LRRC28: variants seen among roughly 807,000 people sequenced by gnomAD.
LRRC28 encodes leucine-rich repeat-containing protein 28.
In LRRC28, 39 loss-of-function variants were observed where a neutral mutation model predicts 45.7. The ratio of observed to expected loss-of-function variants is 0.85; its 90% CI spans 0.66 to 1.12. LRRC28 has a LOEUF of 1.12. LRRC28 is among the 50% of genes most tolerant of loss of function. The pLI is 0.00. For missense variants in LRRC28, 435 were observed against 438.5 expected (o/e 0.99, Z 0.07); for synonymous variants, 206 against 178.8 (o/e 1.15, Z -1.22).
intron 5 of LRRC28, among the ~76,000 whole-genome samples, chr15:99,297,667 C>T (rs1171632076): frequency 4.0e-5 from 6 of 150,854 alleles, no homozygotes; most frequent in African/African-American, 1.2e-4. Context: ...ATTAAATATA[C>T]ATATATTAAT....
intron 6 of LRRC28, among the ~76,000 whole-genome samples, chr15:99,350,432 C>T (rs1240268453): frequency 6.6e-6 from 1 of 152,204 alleles, no homozygotes; most frequent in Non-Finnish European, 1.5e-5. Flanking sequence ...ATATTACGCT[C>T]CTCCTGCTTT....
intron 9 of LRRC28, among the ~76,000 whole-genome samples, chr15:99,379,519 G>GT (rs1262267103): frequency 7.9e-5 from 12 of 152,074 alleles, no homozygotes; most frequent in Admixed American, 6.5e-4. Flanking sequence ...TTTTTGAAGG[G>GT]TTTTTTCTGT....
At chr15:99,270,891 G>T (rs2081460180) in intron 2 of LRRC28, among the ~76,000 whole-genome samples, 1 of 152,186 alleles carries the variant, frequency 6.6e-6, no homozygotes, top group Non-Finnish European at 1.5e-5. Flanking sequence ...AGTGCACAAT[G>T]GTTCCAGTTT....
At chr15:99,335,867 A>G (rs1156460041) in intron 6 of LRRC28, among the ~76,000 whole-genome samples, 1 of 152,088 alleles carries the variant, frequency 6.6e-6, no homozygotes, top group African/African-American at 2.4e-5. Context: ...AGGGAGATAA[A>G]GGATGTGATG....
chr15:99,380,586 C>T (rs930318344), intron 9 of LRRC28, among the ~76,000 whole-genome samples: 2 of 152,296 alleles, frequency 1.3e-5, no homozygotes, highest in Admixed American at 1.3e-4. Flanking sequence ...ATGATGTTAA[C>T]TGGTTATTTT....
At chr15:99,277,630 C>T (rs990781013) in intron 3 of LRRC28, among the ~76,000 whole-genome samples, 3 of 152,054 alleles carry the variant, frequency 2.0e-5, no homozygotes, top group African/African-American at 7.2e-5. Flanking sequence ...GTATTATTTG[C>T]TCTTGATTAG....
chr15:99,255,836 G>C (rs576034502), intron 1 of LRRC28, 62 bp from the exon 2 acceptor site: 1 of 1,064,428 alleles, frequency 9.4e-7, no homozygotes, highest in African/African-American at 1.6e-5. Flanking sequence ...GTGCTAACTG[G>C]TTTATATGGC....
intron 5 of LRRC28, 115 bp from the exon 6 acceptor site, chr15:99,333,808 A>G: frequency 9.4e-7 from 1 of 1,061,756 alleles, no homozygotes; most frequent in Non-Finnish European, 1.4e-6. Context: ...ATTCATGTTT[A>G]TGGGAATAGT....
intron 9 of LRRC28, among the ~76,000 whole-genome samples, chr15:99,373,102 T>C (rs1022114524): frequency 3.3e-5 from 5 of 152,170 alleles, no homozygotes; most frequent in Admixed American, 3.3e-4. Flanking sequence ...CAAGATGATA[T>C]TTGGGTGGGG....
chr15:99,285,252 C>G, intron 3 of LRRC28: 1 of 733,506 alleles, frequency 1.4e-6, no homozygotes, highest in Non-Finnish European at 2.5e-6. Context: ...TTAATGTCAT[C>G]AACAAATATC....
chr15:99,279,703 C>T (rs189594607), intron 3 of LRRC28, among the ~76,000 whole-genome samples: 10 of 152,266 alleles, frequency 6.6e-5, no homozygotes, highest in African/African-American at 1.7e-4. Context: ...TTCTTACTGA[C>T]GCTCAGTCAT....
intron 5 of LRRC28, among the ~76,000 whole-genome samples, chr15:99,320,047 T>G (rs1345382819): frequency 6.6e-6 from 1 of 152,158 alleles, no homozygotes; most frequent in East Asian, 1.9e-4. Context: ...CCTCAGGTGA[T>G]CCGCCCTTCT....
At chr15:99,253,693 G>A (rs979290457) in intron 1 of LRRC28, among the ~76,000 whole-genome samples, 7 of 152,210 alleles carry the variant, frequency 4.6e-5, no homozygotes, top group African/African-American at 1.7e-4. Context: ...AGATGTAATT[G>A]GATGTACATT....
chr15:99,274,601 T>G (rs79015792), intron 2 of LRRC28, among the ~76,000 whole-genome samples: 14,313 of 152,264 alleles, frequency 0.094, 741 homozygotes, highest in African/African-American at 0.14. Context: ...TTTTCAATTA[T>G]AAAAGACACA....
At chr15:99,285,194 T>C (rs2081925347) in intron 3 of LRRC28, 2 of 728,988 alleles carry the variant, frequency 2.7e-6, no homozygotes, top group Non-Finnish European at 2.5e-6. Flanking sequence ...ACTTCAATTT[T>C]TCCATACTGT....
At chr15:99,292,637 T>G (rs2082154565) in intron 5 of LRRC28, among the ~76,000 whole-genome samples, 1 of 152,196 alleles carries the variant, frequency 6.6e-6, no homozygotes, top group Non-Finnish European at 1.5e-5. Flanking sequence ...GTGCTGGGAT[T>G]ACAGGCGTGA....
At chr15:99,318,739 A>G (rs1197076710) in intron 5 of LRRC28, among the ~76,000 whole-genome samples, 1 of 152,086 alleles carries the variant, frequency 6.6e-6, no homozygotes, top group African/African-American at 2.4e-5. Context: ...CAAAGGCTAT[A>G]TATTAATATT....
At chr15:99,284,979 T>C in intron 3 of LRRC28, 1 of 631,060 alleles carries the variant, frequency 1.6e-6, no homozygotes, top group East Asian at 3.3e-5. Context: ...ACCATCAAAA[T>C]TTCCAGAATC....
rs568085205 is a variant in LRRC28, at chr15:99,296,628, T to C, written c.385+8677T>C. ...ATGTGTGGTCAGCAATATACGTAAA[T>C]AGATTTTCTCTATTTTGTGGGGTTA... On this transcript the variant is annotated intron_variant, in intron 5 of 9. Transcript: ENST00000301981. Among the ~76,000 whole-genome samples the C allele has an allele frequency of 9.2e-5, 14 of 152,324 alleles. No homozygotes were observed. The South Asian group carries it at 1.9e-3, about 20-fold the overall frequency.
Sources: gnomAD v4.1 joint callset for allele counts (sites outside exome capture counted in the v4.1 genomes callset) on GRCh38, gnomAD v4.1.1 for gene constraint, MANE v1.5 for transcripts, NCBI Gene and HGNC (gene_info 2026-07-23, HGNC 2026-07-21) for gene names.